Variants in SLCO2A1 observed in about 807,000 individuals in gnomAD.
The protein encoded by SLCO2A1 is matrin F/G 1.
SLCO2A1 carries 60 observed loss-of-function variants against 71.7 expected under a neutral mutation model. That is an observed-to-expected ratio of 0.84 (90% CI 0.68 to 1.04). SLCO2A1 has a LOEUF of 1.04. Among genes scored for constraint, SLCO2A1 ranks in the 50% least tolerant of loss-of-function variants. SLCO2A1 has a pLI of 0.00. For synonymous variants in SLCO2A1, 308 were observed against 326.7 expected, an observed-to-expected ratio of 0.94 and a Z score of 0.62; for missense variants, 745 against 813.4, an observed-to-expected ratio of 0.92 and a Z score of 1.02.
chr3:134,024,259 G>A (rs1320730450), intron 1 of SLCO2A1, among the ~76,000 whole-genome samples: 4 of 152,236 alleles, frequency 2.6e-5, no homozygotes, highest in African/African-American at 9.6e-5. Context: ...CGTAAAGCGA[G>A]AGAAGCCCCT....
chr3:134,002,790 T>C (rs1346159182), intron 1 of SLCO2A1, among the ~76,000 whole-genome samples: 1 of 152,224 alleles, frequency 6.6e-6, no homozygotes, highest in African/African-American at 2.4e-5. Flanking sequence ...TAGACCCAAG[T>C]AGGTCTTCCT....
At chr3:133,955,914 C>T (rs1933887643) in intron 3 of SLCO2A1, among the ~76,000 whole-genome samples, 2 of 152,228 alleles carry the variant, frequency 1.3e-5, no homozygotes, top group African/African-American at 4.8e-5. Context: ...CTTCTCGAAG[C>T]CCTTCTGTGA....
intron 3 of SLCO2A1, among the ~76,000 whole-genome samples, chr3:133,969,272 T>C (rs1460902769): frequency 2.0e-5 from 3 of 152,078 alleles, no homozygotes; most frequent in Non-Finnish European, 4.4e-5. Context: ...GCTACTAAAA[T>C]ACAAAAAATC....
At chr3:134,007,225 A>AT (rs1935240388) in intron 1 of SLCO2A1, among the ~76,000 whole-genome samples, 1 of 152,192 alleles carries the variant, frequency 6.6e-6, no homozygotes, top group African/African-American at 2.4e-5. Context: ...TTCATCTTTC[A>AT]TCAGATATAT....
At chr3:133,985,090 C>CCGGTTG (rs1412898853) in intron 1 of SLCO2A1, among the ~76,000 whole-genome samples, 1 of 152,196 alleles carries the variant, frequency 6.6e-6, no homozygotes, top group Non-Finnish European at 1.5e-5. Context: ...ATTTAACTTC[C>CCGGTTG]CGGTTGCTTT....
intron 1 of SLCO2A1, among the ~76,000 whole-genome samples, chr3:134,006,808 C>T (rs1935227187): frequency 6.6e-6 from 1 of 152,128 alleles, no homozygotes. Context: ...CTCTTTGAGA[C>T]CCTGCTTTCA....
At chr3:133,962,372 G>A (rs774791197) in intron 3 of SLCO2A1, among the ~76,000 whole-genome samples, 5 of 152,054 alleles carry the variant, frequency 3.3e-5, no homozygotes, top group African/African-American at 7.2e-5. Context: ...GAGCCACTGC[G>A]CTCAGCCAAG....
At chr3:134,009,675 C>T (rs567061624) in intron 1 of SLCO2A1, among the ~76,000 whole-genome samples, 7 of 152,292 alleles carry the variant, frequency 4.6e-5, no homozygotes, top group Non-Finnish European at 7.4e-5. Flanking sequence ...TTAGGGAATG[C>T]GCAAAGAAAG....
intron 1 of SLCO2A1, among the ~76,000 whole-genome samples, chr3:133,983,219 A>T (rs1253521177): frequency 2.0e-5 from 3 of 152,076 alleles, no homozygotes; most frequent in African/African-American, 7.2e-5. Flanking sequence ...GACCCTTAGT[A>T]CCCCGACATT....
rs563012845 is a variant in SLCO2A1 at position 134,019,981 on chromosome 3, G to A, written c.96+9726C>T. Among the ~76,000 whole-genome samples, 8 of 152,146 alleles carry A rather than the reference G, an allele frequency of 5.3e-5. No homozygotes were observed. In the East Asian group the frequency reaches 1.2e-3, roughly 22 times the overall value. On this transcript the variant is annotated intron_variant, in intron 1 of 13. Coordinates refer to ENST00000310926, the MANE Select transcript of SLCO2A1 (RefSeq NM_005630.3). ...AATGAAATCCACAAGCAGACAGCCC[G>A]GCACCATACCCTAGGCCTGGTCGTT...
intron 11 of SLCO2A1, among the ~76,000 whole-genome samples, chr3:133,938,912 G>A (rs1933344565): frequency 6.6e-6 from 1 of 151,956 alleles, no homozygotes; most frequent in Admixed American, 6.5e-5. Flanking sequence ...GGATGCTGTG[G>A]GTGTGTTGAT....
At chr3:133,973,932 C>T (rs775048677) in intron 2 of SLCO2A1, 107 bp from the exon 3 acceptor site, 113 of 1,149,484 alleles carry the variant, frequency 9.8e-5, no homozygotes, top group Non-Finnish European at 1.3e-4. Context: ...AGGGAGGGGG[C>T]TGCCCAGTGT....
intron 3 of SLCO2A1, among the ~76,000 whole-genome samples, chr3:133,967,115 G>A (rs148032170): frequency 1.1e-3 from 172 of 152,276 alleles, no homozygotes; most frequent in African/African-American, 3.9e-3. Context: ...GACTCTCAGC[G>A]GAGCAGGCTG....
chr3:133,973,210 G>A lies in SLCO2A1; in HGVS notation c.397+453C>T, dbSNP rs781230273. Reference sequence around the variant, plus strand: ...ATAAGGGTAATAGTGAGCATCCTATGTTCATGGATCGGCAAACTCAACATA... The same window carrying A: ...ATAAGGGTAATAGTGAGCATCCTATATTCATGGATCGGCAAACTCAACATA... On this transcript the variant is annotated intron_variant, in intron 3 of 13. Transcript: ENST00000310926. 5.3e-5 allele frequency among the ~76,000 whole-genome samples: 8 copies of A among 152,338 alleles called. No homozygotes were observed. In the South Asian group the frequency reaches 1.2e-3, roughly 24 times the overall value.
intron 13 of SLCO2A1, 116 bp from the exon 14 acceptor site, chr3:133,934,946 G>GCCCA: frequency 1.3e-6 from 1 of 759,100 alleles, no homozygotes; most frequent in Non-Finnish European, 2.2e-6. Flanking sequence ...GAAGGTGTGG[G>GCCCA]CACCATCCAG....
At chr3:133,974,531 C>T (rs1449517826) in intron 2 of SLCO2A1, among the ~76,000 whole-genome samples, 1 of 152,194 alleles carries the variant, frequency 6.6e-6, no homozygotes, top group African/African-American at 2.4e-5. Context: ...TGCCCTTTCC[C>T]CTGCCTTGGT....
chr3:134,013,733 A>G (rs1214172501), intron 1 of SLCO2A1, among the ~76,000 whole-genome samples: 2 of 152,270 alleles, frequency 1.3e-5, no homozygotes, highest in Admixed American at 6.5e-5. Context: ...TTCCTAGAGC[A>G]TCAATGTTAC....
intron 1 of SLCO2A1, among the ~76,000 whole-genome samples, chr3:134,010,364 G>A (rs537174197): frequency 8.5e-5 from 13 of 152,230 alleles, no homozygotes; most frequent in African/African-American, 2.6e-4. Flanking sequence ...TGGTGAAGGG[G>A]AGGCAAGGCA....
chr3:134,025,025 T>C (rs1297849704), intron 1 of SLCO2A1, among the ~76,000 whole-genome samples: 1 of 151,844 alleles, frequency 6.6e-6, no homozygotes, highest in Admixed American at 6.6e-5. Context: ...TGCCAACCCC[T>C]GCAAAGTGAC....
Sources: gnomAD v4.1 joint callset for allele counts (sites outside exome capture counted in the v4.1 genomes callset) on GRCh38, gnomAD v4.1.1 for gene constraint, MANE v1.5 for transcripts, NCBI Gene and HGNC (gene_info 2026-07-23, HGNC 2026-07-21) for gene names.